Variants in PTPRN2 observed in about 807,000 individuals in gnomAD.
PTPRN2 encodes the protein receptor-type tyrosine-protein phosphatase N2.
PTPRN2 carries 74 observed loss-of-function variants against 118.8 expected under a neutral mutation model. The observed-to-expected ratio is 0.62, with a 90% CI of 0.52 to 0.76. The LOEUF is 0.76. Among genes scored for constraint, PTPRN2 ranks in the 30% least tolerant of loss-of-function variants. The pLI is 0.00. For synonymous variants in PTPRN2, 641 were observed against 608.0 expected, an observed-to-expected ratio of 1.05 and a Z score of -0.80; for missense variants, 1,481 against 1,394.4, an observed-to-expected ratio of 1.06 and a Z score of -0.99.
At chr7:158,564,366 T>C (rs1055988179) in intron 1 of PTPRN2, among the ~76,000 whole-genome samples, 7 of 152,232 alleles carry the variant, frequency 4.6e-5, no homozygotes, top group Non-Finnish European at 8.8e-5. Context: ...GGTAATAGAA[T>C]TGTACATTTT....
chr7:157,623,342 C>T (rs1034031933), intron 14 of PTPRN2, among the ~76,000 whole-genome samples: 2 of 152,120 alleles, frequency 1.3e-5, no homozygotes, highest in African/African-American at 4.8e-5. Context: ...GTTGGGCTTA[C>T]GTAGAGTTCT....
intron 12 of PTPRN2, among the ~76,000 whole-genome samples, chr7:157,702,920 A>T (rs1418643046): frequency 6.6e-6 from 1 of 152,196 alleles, no homozygotes; most frequent in Non-Finnish European, 1.5e-5. Flanking sequence ...AGGGGCCAAA[A>T]TAGCTGTTTT....
In PTPRN2 at chr7:157,585,484, A is replaced by T. The variant is rs1346976352; in HGVS notation, c.2497-7344T>A. The stretch of plus-strand genomic sequence containing the variant: ...TCCCACGGTGGGAATGCACTCACAC[A>T]CTGGACTTCCTCTCCACCCGGCCTT... On this transcript the variant is annotated intron_variant, in intron 17 of 22. Coordinates refer to ENST00000389418, the MANE Select transcript of PTPRN2 (RefSeq NM_002847.5). The surrounding 1 kb of genome is among the most constrained non-coding windows in gnomAD (Gnocchi z 5.2). Among the ~76,000 whole-genome samples, 3 of 152,064 alleles carry T rather than the reference A, an allele frequency of 2.0e-5. No individual in the cohort carries two copies. Among genetic ancestry groups the T allele is most frequent in the African/African-American group, 7.2e-5 (3 of 41,422 alleles).
At chr7:157,775,388 T>C (rs902713735) in intron 12 of PTPRN2, among the ~76,000 whole-genome samples, 3 of 152,126 alleles carry the variant, frequency 2.0e-5, no homozygotes, top group Non-Finnish European at 2.9e-5. Context: ...CCCATAGGCA[T>C]AACGGGGACA....
At chr7:158,411,920 G>A (rs1814128440) in intron 2 of PTPRN2, among the ~76,000 whole-genome samples, 1 of 152,050 alleles carries the variant, frequency 6.6e-6, no homozygotes, top group Non-Finnish European at 1.5e-5. Flanking sequence ...GAGAACATGC[G>A]TGGGCCAAGA....
intron 1 of PTPRN2, among the ~76,000 whole-genome samples, chr7:158,494,873 C>T (rs1821713417): frequency 6.6e-6 from 1 of 152,166 alleles, no homozygotes; most frequent in Non-Finnish European, 1.5e-5. Context: ...CAGATTTCCT[C>T]ATCTAAAAAA....
intron 1 of PTPRN2, chr7:158,541,458 G>T (rs756304355): frequency 7.4e-7 from 1 of 1,351,846 alleles, no homozygotes; most frequent in African/African-American, 1.5e-5. Context: ...CTGCCACCGA[G>T]GGTCCACTGG....
At chr7:157,957,919 C>A (rs1404172063) in intron 11 of PTPRN2, among the ~76,000 whole-genome samples, 1 of 152,200 alleles carries the variant, frequency 6.6e-6, no homozygotes, top group Non-Finnish European at 1.5e-5. Flanking sequence ...ACACGAAAGC[C>A]AGACAGACAC....
At chr7:158,097,697 G>A in intron 10 of PTPRN2, among the ~76,000 whole-genome samples, 1 of 152,218 alleles carries the variant, frequency 6.6e-6, no homozygotes, top group East Asian at 1.9e-4. Context: ...CCACAATCAC[G>A]TCGTAAAAAC....
intron 15 of PTPRN2, among the ~76,000 whole-genome samples, chr7:157,606,947 A>G (rs962437272): frequency 6.6e-6 from 1 of 152,176 alleles, no homozygotes; most frequent in Non-Finnish European, 1.5e-5. Context: ...GGGTGACAAG[A>G]TGGGATAAGA....
chr7:157,952,750 GC>G (rs1215596499), intron 11 of PTPRN2, among the ~76,000 whole-genome samples: 1 of 152,148 alleles, frequency 6.6e-6, no homozygotes, highest in African/African-American at 2.4e-5. Context: ...GCACAGGCCT[GC>G]CTGCCAGGGG....
intron 11 of PTPRN2, among the ~76,000 whole-genome samples, chr7:157,939,154 A>G (rs918529680): frequency 1.3e-5 from 2 of 152,146 alleles, no homozygotes; most frequent in Non-Finnish European, 2.9e-5. Flanking sequence ...CCCCACCTCA[A>G]TAGCAAGGTT....
intron 2 of PTPRN2, among the ~76,000 whole-genome samples, chr7:158,398,544 ACT>A (rs1046627851): frequency 6.6e-6 from 1 of 151,994 alleles, no homozygotes; most frequent in Non-Finnish European, 1.5e-5. Flanking sequence ...GTCAAAGTTA[ACT>A]CTCTCTTCTT....
At chr7:158,582,054 A>G (rs1249334000) in intron 1 of PTPRN2, among the ~76,000 whole-genome samples, 1 of 152,248 alleles carries the variant, frequency 6.6e-6, no homozygotes, top group East Asian at 1.9e-4. Flanking sequence ...AAAGAAAAAA[A>G]TGCCCTTCCT....
intron 12 of PTPRN2, among the ~76,000 whole-genome samples, chr7:157,816,978 C>T (rs1301916097): frequency 2.6e-5 from 4 of 152,242 alleles, no homozygotes; most frequent in South Asian, 2.1e-4. Context: ...GATGGGCTGC[C>T]GACCACATGC....
intron 2 of PTPRN2, among the ~76,000 whole-genome samples, chr7:158,488,195 G>C (rs909896305): frequency 1.3e-5 from 2 of 152,128 alleles, no homozygotes; most frequent in Non-Finnish European, 2.9e-5. Flanking sequence ...AGACGACGTA[G>C]GATTTTCAAT....
At chr7:158,257,942 C>T (rs1274938960) in intron 3 of PTPRN2, among the ~76,000 whole-genome samples, 1 of 152,238 alleles carries the variant, frequency 6.6e-6, no homozygotes, top group Admixed American at 6.5e-5. Context: ...CTCAGCTCAT[C>T]ACATGAGCTG....
chr7:158,498,022 C>T (rs1008843155), intron 1 of PTPRN2, among the ~76,000 whole-genome samples: 3 of 152,276 alleles, frequency 2.0e-5, no homozygotes, highest in African/African-American at 7.2e-5. Context: ...ACCTCCACCC[C>T]ATACGCCTGG....
At chr7:157,931,772 G>A (rs991429311) in intron 11 of PTPRN2, among the ~76,000 whole-genome samples, 5 of 152,070 alleles carry the variant, frequency 3.3e-5, no homozygotes, top group Non-Finnish European at 5.9e-5. Context: ...TGCGGTCTGG[G>A]CTTCAGTAGG....
Sources: allele counts gnomAD v4.1 joint callset (sites outside exome capture counted in the v4.1 genomes callset), GRCh38; gene constraint gnomAD v4.1.1; non-coding constraint Gnocchi (gnomAD v3.1); transcripts MANE v1.5; gene names NCBI Gene and HGNC (gene_info 2026-07-23, HGNC 2026-07-21).